PCNP: variants seen among roughly 807,000 people sequenced by gnomAD.
PCNP encodes the protein PEST proteolytic signal-containing nuclear protein.
PCNP carries 6 observed loss-of-function variants against 21.8 expected under a neutral mutation model. That is an observed-to-expected ratio of 0.28 (90% CI 0.15 to 0.54). The LOEUF is 0.54. Ranked by LOEUF, PCNP falls within the 20% of genes least tolerant of loss-of-function variation. The pLI is 0.95. For synonymous variants in PCNP, 67 were observed against 73.2 expected (o/e 0.92, Z 0.43); for missense variants, 161 against 215.5 (o/e 0.75, Z 1.58).
At chr3:101,590,705 C>T (rs564029726) in intron 4 of PCNP, among the ~76,000 whole-genome samples, 5 of 149,604 alleles carry the variant, frequency 3.3e-5, no homozygotes, top group South Asian at 2.2e-4. Context: ...CCATGACACC[C>T]GGCTGATTTT....
chr3:101,574,961 C>G (rs1454614921), intron 1 of PCNP: 4 of 152,208 alleles, frequency 2.6e-5, no homozygotes, highest in Non-Finnish European at 5.9e-5. Flanking sequence ...TGAAGTATCT[C>G]CCTTAGGCTG....
At chr3:101,586,571 TGA>T (rs1553771573) in intron 3 of PCNP, among the ~76,000 whole-genome samples, 12 of 114,128 alleles carry the variant, frequency 1.1e-4, no homozygotes, top group African/African-American at 3.0e-4. Context: ...TGTGTGTGTG[TGA>T]GAGAGAGAGA....
intron 1 of PCNP, among the ~76,000 whole-genome samples, chr3:101,574,647 G>A (rs1390770284): frequency 6.6e-6 from 1 of 152,198 alleles, no homozygotes; most frequent in Admixed American, 6.5e-5. Flanking sequence ...ACACACACCG[G>A]AGACGCTCAT....
chr3:101,576,806 C>T, intron 1 of PCNP: 2 of 1,610,610 alleles, frequency 1.2e-6, no homozygotes, highest in Non-Finnish European at 1.7e-6. Context: ...TCAGTGTCTG[C>T]TTTCCTCAAC....
At chr3:101,580,622 A>G (rs963021709) in intron 2 of PCNP, among the ~76,000 whole-genome samples, 1 of 152,182 alleles carries the variant, frequency 6.6e-6, no homozygotes, top group Non-Finnish European at 1.5e-5. Flanking sequence ...TGGAACGACA[A>G]ATGGGAATTG....
At chr3:101,586,368 T>C (rs539091137) in intron 3 of PCNP, among the ~76,000 whole-genome samples, 7 of 152,142 alleles carry the variant, frequency 4.6e-5, no homozygotes, top group African/African-American at 1.4e-4. Flanking sequence ...AATGTCGTTA[T>C]CTTCCCATGT....
At chr3:101,579,189 A>T (rs1488556828) in intron 1 of PCNP, among the ~76,000 whole-genome samples, 1 of 152,084 alleles carries the variant, frequency 6.6e-6, no homozygotes, top group Non-Finnish European at 1.5e-5. Context: ...AAATTGTCAG[A>T]GTAGAATTAA....
At chr3:101,590,509 T>C (rs1362194160) in intron 4 of PCNP, among the ~76,000 whole-genome samples, 1 of 152,212 alleles carries the variant, frequency 6.6e-6, no homozygotes, top group African/African-American at 2.4e-5. Flanking sequence ...TTATTTAGTC[T>C]CCAGTTAAAG....
intron 1 of PCNP, chr3:101,577,091 C>G (rs983974561): frequency 3.0e-6 from 2 of 664,168 alleles, no homozygotes; most frequent in Non-Finnish European, 5.5e-6. Flanking sequence ...TCCCGAAGTG[C>G]TGGGATTACA....
rs575568607 is a variant in PCNP, at chr3:101,590,277, T to C, written c.410+7T>C. The stretch of plus-strand genomic sequence containing the variant: ...GGATGAAGAATATTGGAAGGTATTA[T>C]AATTTTTCATAAATATTATAGAAAG... On this transcript the variant is annotated splice_region_variant and intron_variant, in intron 4 of 4. Coordinates refer to ENST00000265260, the MANE Select transcript of PCNP (RefSeq NM_020357.3). The C allele has an allele frequency of 1.3e-5, 18 of 1,379,248 alleles. No individual in the cohort carries two copies. In the African/African-American group the frequency reaches 2.0e-4, roughly 15 times the overall value. The allele number at this position is 1,379,248 out of a possible 1,614,324, so 85.4% of individuals were successfully genotyped here.
intron 3 of PCNP, among the ~76,000 whole-genome samples, chr3:101,589,168 T>C (rs1190366822): frequency 6.6e-6 from 1 of 152,190 alleles, no homozygotes; most frequent in Non-Finnish European, 1.5e-5. Context: ...CTTCTTATTA[T>C]CACATTTAAA....
chr3:101,577,733 A>G lies in PCNP; in HGVS notation c.65-2057A>G, dbSNP rs887709271. Among the ~76,000 whole-genome samples the G allele has an allele frequency of 2.6e-5, 4 of 152,144 alleles. No individual in the cohort carries two copies. In the South Asian group the frequency reaches 6.2e-4, roughly 24 times the overall value. On this transcript the variant is annotated intron_variant, in intron 1 of 4. Coordinates refer to ENST00000265260, the MANE Select transcript of PCNP (RefSeq NM_020357.3). ...GAGACGGGGTTTTGCCATGTTGCCC[A>G]GGCTGGTCTCAAACTCCTGACCTCA...
chr3:101,587,614 G>T (rs1935600257), intron 3 of PCNP, among the ~76,000 whole-genome samples: 1 of 151,148 alleles, frequency 6.6e-6, no homozygotes, highest in South Asian at 2.1e-4. Context: ...TGTGGAAATT[G>T]AGAGAAGGAG....
intron 4 of PCNP, among the ~76,000 whole-genome samples, chr3:101,592,234 C>T (rs573097960): frequency 2.6e-5 from 4 of 151,838 alleles, no homozygotes; most frequent in South Asian, 2.1e-4. Flanking sequence ...AGTGCAGTGG[C>T]GTGATCTCGG....
intron 3 of PCNP, among the ~76,000 whole-genome samples, chr3:101,587,374 A>G (rs1405405392): frequency 6.6e-6 from 1 of 152,068 alleles, no homozygotes. Context: ...GCAAGGGTAA[A>G]TATTTAATGA....
Position 101,590,196 on chromosome 3 carries a change from T to A in PCNP, c.355-19T>A, listed in dbSNP as rs752636256. On this transcript the variant is annotated intron_variant, in intron 3 of 4. Transcript: ENST00000265260. ...AAGTTTGTATGCAGTTATCTTGGTT[T>A]ACTTACTTTTTTCTTTAGAGTGAAC... 4.9e-6 allele frequency: 7 copies of A among 1,441,222 alleles called. No homozygotes were observed. Among genetic ancestry groups the A allele is most frequent in the Middle Eastern group, 1.8e-4 (1 of 5,674 alleles). 89.3% of individuals were successfully genotyped at this position (1,441,222 alleles called of 1,614,324 possible).
Position 101,592,706 on chromosome 3 carries a change from C to T in PCNP, c.490C>T (p.Arg164Ter), listed in dbSNP as rs1361397277. 2 of 1,612,120 alleles carry T rather than the reference C, an allele frequency of 1.2e-6. No homozygotes were observed. Among genetic ancestry groups the T allele is most frequent in the Non-Finnish European group, 1.7e-6 (2 of 1,178,928 alleles). ...TTCTGATAACCAGAAGCTGTGGGAG[C>T]GAAATATAAAATCTCATCTTGGAAA... ...GFSDNQKLWE[R>*]NIKSHLGNVH... is the part of the protein sequence containing the mutation. The change falls in exon 5 of 5, where the codon CGA (arginine) becomes TGA (stop). Residue 164 changes from arginine to a stop codon, truncating the protein, a stop_gained. Coordinates refer to ENST00000265260, the MANE Select transcript of PCNP (RefSeq NM_020357.3). LOFTEE classifies it high-confidence loss of function.
chr3:101,589,890 C>T (rs1347354199), intron 3 of PCNP: 1 of 248,268 alleles, frequency 4.0e-6, no homozygotes, highest in African/African-American at 2.3e-5. Context: ...AATCATACCT[C>T]CCTCATGCGA....
chr3:101,574,316 G>C, intron 1 of PCNP, 37 bp downstream of exon 1: 3 of 1,513,354 alleles, frequency 2.0e-6, no homozygotes, highest in Non-Finnish European at 2.7e-6. Flanking sequence ...AGCGTGGGAT[G>C]CTCCGGGCCT....
Sources: allele counts gnomAD v4.1 joint callset (sites outside exome capture counted in the v4.1 genomes callset), GRCh38; gene constraint gnomAD v4.1.1; transcripts MANE v1.5; gene names NCBI Gene and HGNC (gene_info 2026-07-23, HGNC 2026-07-21).